The following CCHCR1 variants were observed in gnomAD, a reference collection of about 807,000 sequenced individuals.
CCHCR1 encodes the protein HCR (a-helix coiled-coil rod homologue).
Under a neutral mutation model 114.6 loss-of-function variants are expected in CCHCR1, and 91 were observed. The observed-to-expected ratio is 0.79, with a 90% CI of 0.67 to 0.94. The LOEUF is 0.94. Ranked by LOEUF, CCHCR1 falls within the 40% of genes least tolerant of loss-of-function variation. The pLI, the probability that CCHCR1 is intolerant of heterozygous loss-of-function variation, is 0.00. For synonymous variants in CCHCR1, 379 were observed against 428.5 expected (o/e 0.88, Z 1.43); for missense variants, 899 against 1,079.9 (o/e 0.83, Z 2.35).
At position 31,143,417 on chromosome 6, in the gene CCHCR1, C is replaced by T; in HGVS notation, c.2168-4G>A. On this transcript the variant is annotated splice_polypyrimidine_tract_variant and splice_region_variant and intron_variant, in intron 15 of 17. Transcript: ENST00000396268. The surrounding 1 kb of genome is among the most constrained non-coding windows in gnomAD (Gnocchi z 5.3). ...TGAATCTGGCGTAAGGAGACCACTA[C>T]AGAGAGGCCAAGGCACAGAGGAGGC... 1.2e-6 allele frequency: 2 copies of T among 1,612,690 alleles called. No individual in the cohort carries two copies. Among genetic ancestry groups the T allele is most frequent in the Non-Finnish European group, 1.7e-6 (2 of 1,179,966 alleles).
chr6:31,156,887 G>C lies in CCHCR1; in HGVS notation c.341C>G (p.Pro114Arg). The C allele has an allele frequency of 6.2e-7, 1 of 1,612,958 alleles. No homozygotes were observed. Among genetic ancestry groups the C allele is most frequent in the Non-Finnish European group, 8.5e-7 (1 of 1,180,018 alleles). ...HFQARPLSTL[P>R]RMAPTWLSDI... The stretch of plus-strand genomic sequence containing the variant: ...TGAGAGCCAGGTGGGAGCCATTCTT[G>C]GCAGAGTTGAAAGGGGCCGAGCTTG... Residue 114 changes from proline (P) to arginine (R), a missense_variant, in exon 3 of 18, where the codon CCA becomes CGA. Transcript: ENST00000396268.
rs1162531001 is a variant in CCHCR1 at position 31,157,440 on chromosome 6, G to A, written c.161C>T (p.Pro54Leu). The A allele has an allele frequency of 1.9e-6, 3 of 1,613,054 alleles. No individual in the cohort carries two copies. The Admixed American group carries it at 5.0e-5, about 27-fold the overall frequency. ...GCTCCTGGCCAGAGGTGAGAAAGGA[G>A]GTACACAGTGCAGGGGTCTTGAGCG... ...RWRSRPLHCV[P>L]PFSPLARSSR... Residue 54 changes from proline to leucine, a missense_variant, in exon 1 of 18, where the codon CCT becomes CTT. Coordinates refer to ENST00000396268, the MANE Select transcript of CCHCR1 (RefSeq NM_001105564.2).
intron 10 of CCHCR1, among the ~76,000 whole-genome samples, chr6:31,146,164 G>A (rs995772202): frequency 2.6e-5 from 4 of 151,972 alleles, no homozygotes; most frequent in African/African-American, 9.7e-5. Context: ...TGGCCAACAT[G>A]GTGAAACTCT....
chr6:31,151,394 C>T lies in CCHCR1; in HGVS notation c.802-272G>A, dbSNP rs776126599. ...CTTTTGCCTGGGCAACAGCGACCAT[C>T]TCCTAACTAGTCTTTACAAACCCTC... On this transcript the variant is annotated intron_variant, in intron 4 of 17. Coordinates refer to ENST00000396268, the MANE Select transcript of CCHCR1 (RefSeq NM_001105564.2). This position sits in a 1 kb window ranked among gnomAD's most constrained non-coding sequence, Gnocchi z 4.1. 1.3e-5 allele frequency among the ~76,000 whole-genome samples: 2 copies of T among 152,240 alleles called. No individual in the cohort carries two copies. Among genetic ancestry groups the T allele is most frequent in the Non-Finnish European group, 2.9e-5 (2 of 68,040 alleles).
At chr6:31,152,297 A>C (rs1775354552) in intron 4 of CCHCR1, among the ~76,000 whole-genome samples, 1 of 145,714 alleles carries the variant, frequency 6.9e-6, no homozygotes, top group East Asian at 2.1e-4. Context: ...AAAAAAAAAA[A>C]CAACCTTTCA....
chr6:31,154,427 GTTC>G lies in CCHCR1; in HGVS notation c.801+66_801+68del. 7.7e-7 allele frequency: 1 copy of G among 1,296,640 alleles called. No homozygotes were observed. The highest frequency in any genetic ancestry group is 2.3e-5 in the East Asian group (1 of 43,058). 80.3% of individuals were successfully genotyped at this position (1,296,640 alleles called of 1,614,324 possible). On this transcript the variant is annotated intron_variant, in intron 4 of 17. Transcript: ENST00000396268. This position sits in a 1 kb window ranked among gnomAD's most constrained non-coding sequence, Gnocchi z 4.1. ...ATGGAGGGTCTTTTCTGCAATACCT[GTTC>G]TTTGCTTGGAAGCTACTGCCCAGCT...
Position 31,148,748 on chromosome 6 carries a change from T to A in CCHCR1, c.1363-20A>T, listed in dbSNP as rs966091530. ...GGCCACCTGGGGGAGGAGAGAGAGC[T>A]AGGCAGGGCCCTCTAGAGCTAAAAG... On this transcript the variant is annotated intron_variant, in intron 8 of 17. Coordinates refer to ENST00000396268, the MANE Select transcript of CCHCR1 (RefSeq NM_001105564.2). The A allele has an allele frequency of 1.2e-5, 18 of 1,493,892 alleles. No homozygotes were observed. The Admixed American group carries it at 1.9e-4, about 16-fold the overall frequency. The allele number at this position is 1,493,892 out of a possible 1,614,324, so 92.5% of individuals were successfully genotyped here.
chr6:31,148,299 A>G (rs1180120998), intron 10 of CCHCR1, 106 bp downstream of exon 10: 7 of 705,118 alleles, frequency 9.9e-6, no homozygotes, highest in Admixed American at 4.6e-5. Context: ...TGTAGCCTCC[A>G]GTGGCCACTT....
chr6:31,149,954 G>A, intron 8 of CCHCR1, 112 bp downstream of exon 8: 2 of 1,153,980 alleles, frequency 1.7e-6, no homozygotes, highest in South Asian at 1.4e-5. Context: ...GTTCAGGGCT[G>A]TGTGCCCAGC....
chr6:31,148,632 G>A lies in CCHCR1; in HGVS notation c.1459C>T (p.Arg487Cys), dbSNP rs138683119. 1.6e-3 allele frequency: 2,582 copies of A among 1,611,684 alleles called. 5 individuals are homozygous for A. The highest frequency in any genetic ancestry group is 3.1e-3 in the African/African-American group (235 of 75,010). ...CTGACACCAACCTTGGCACCCATAC[G>A]CTCCACCTCCACCTCTGCGGCTTTG... ...QDKAAEVEVE[R>C]MGAKGLQLEL... Residue 487 changes from arginine (R) to cysteine (C), a missense_variant, in exon 9 of 18, where the codon CGT (arginine) becomes TGT (cysteine). Physicochemically the swap from Arg to Cys is radical, Grantham distance 180 (BLOSUM62 -3). Coordinates refer to ENST00000396268, the MANE Select transcript of CCHCR1 (RefSeq NM_001105564.2).
chr6:31,142,793 G>A (rs947617304), intron 17 of CCHCR1, 77 bp from the exon 18 acceptor site: 1 of 1,562,034 alleles, frequency 6.4e-7, no homozygotes, highest in African/African-American at 1.4e-5. Context: ...GCTGGCACAG[G>A]AAATGAGGAA....
rs768296166 is a variant in CCHCR1 at position 31,145,816 on chromosome 6, G to C, written c.1581-8C>G. 6.3e-7 allele frequency: 1 copy of C among 1,579,230 alleles called. No homozygotes were observed. Among genetic ancestry groups the C allele is most frequent in the African/African-American group, 1.3e-5 (1 of 74,460 alleles). On this transcript the variant is annotated splice_region_variant and splice_polypyrimidine_tract_variant and intron_variant, in intron 10 of 17. Transcript: ENST00000396268. ...TCGAGCCAGATCTGAGAGCTGGAGA[G>C]GGCACAAGTCACTGATCCTCCATGC...
Position 31,156,904 on chromosome 6 carries a change from C to A in CCHCR1, c.324G>T (p.Arg108=). The A allele has an allele frequency of 6.2e-7, 1 of 1,612,830 alleles. No homozygotes were observed. Among genetic ancestry groups the A allele is most frequent in the Non-Finnish European group, 8.5e-7 (1 of 1,180,006 alleles). Residue 108 remains arginine, a synonymous_variant, in exon 3 of 18, where the codon CGG becomes CGT. Coordinates refer to ENST00000396268, the MANE Select transcript of CCHCR1 (RefSeq NM_001105564.2). ...GLIPPSHFQA[R]PLSTLPRMAP... is the part of the protein sequence containing the mutation. ...CCATTCTTGGCAGAGTTGAAAGGGG[C>A]CGAGCTTGAAAGTGGGAGGGGGGAA...
rs1776233070 is a variant in CCHCR1 at position 31,157,536 on chromosome 6, A to G, written c.65T>C (p.Val22Ala). Residue 22 changes from valine to alanine, a missense_variant, in exon 1 of 18, where the codon GTC becomes GCC. Val to Ala is a moderately conservative substitution (Grantham distance 64). Coordinates refer to ENST00000396268, the MANE Select transcript of CCHCR1 (RefSeq NM_001105564.2). ...CCCATCCAGACACCAGCAGGCCATGACTCTTGGGTCCTTCCCTGTTAAAGT... is the reference window on the plus strand; with the variant it reads ...CCCATCCAGACACCAGCAGGCCATGGCTCTTGGGTCCTTCCCTGTTAAAGT... ...ASTLTGKDPR[V>A]MACWCLDGLP... 2 of 1,612,784 alleles carry G rather than the reference A, an allele frequency of 1.2e-6. No individual in the cohort carries two copies. Among genetic ancestry groups the G allele is most frequent in the Non-Finnish European group, 1.7e-6 (2 of 1,180,000 alleles).
In CCHCR1 at chr6:31,151,179, G is replaced by A. The variant is rs142126856; in HGVS notation, c.802-57C>T. Reference sequence around the variant, plus strand: ...TCGACCCCACATGGAGGCCTTCCTTGTTCCCTTCACTCCCACTTTCTGTGA... The same window carrying A: ...TCGACCCCACATGGAGGCCTTCCTTATTCCCTTCACTCCCACTTTCTGTGA... On this transcript the variant is annotated intron_variant, in intron 4 of 17. Coordinates refer to ENST00000396268, the MANE Select transcript of CCHCR1 (RefSeq NM_001105564.2). The surrounding 1 kb of genome is among the most constrained non-coding windows in gnomAD (Gnocchi z 4.1). 819 of 1,545,938 alleles carry A rather than the reference G, an allele frequency of 5.3e-4. 7 individuals carry two copies. In the East Asian group the frequency reaches 0.016, roughly 31 times the overall value.
intron 10 of CCHCR1, among the ~76,000 whole-genome samples, chr6:31,147,139 G>A (rs539006745): frequency 6.6e-6 from 1 of 152,304 alleles, no homozygotes; most frequent in African/African-American, 2.4e-5. Flanking sequence ...GGTGGCTCAA[G>A]CCTGTAATCC....
chr6:31,150,582 G>A lies in CCHCR1; in HGVS notation c.1102-17C>T, dbSNP rs1239732032. On this transcript the variant is annotated splice_polypyrimidine_tract_variant and intron_variant, in intron 6 of 17. Coordinates refer to ENST00000396268, the MANE Select transcript of CCHCR1 (RefSeq NM_001105564.2). The surrounding 1 kb of genome is among the most constrained non-coding windows in gnomAD (Gnocchi z 5.3). ...CTGCAAGTGCTGCGGGCAGAGGAAA[G>A]CAGCCCCTCTGTAGGGCCTCCATGC... 6.2e-7 allele frequency: 1 copy of A among 1,606,404 alleles called. No individual in the cohort carries two copies. The highest frequency in any genetic ancestry group is 1.1e-5 in the South Asian group (1 of 90,690).
In CCHCR1 at chr6:31,143,304, G is replaced by A; in HGVS notation, c.2277C>T (p.Ala759=). 1 of 1,612,768 alleles carries A rather than the reference G, an allele frequency of 6.2e-7. No individual in the cohort carries two copies. Among genetic ancestry groups the A allele is most frequent in the Non-Finnish European group, 8.5e-7 (1 of 1,180,000 alleles). The change falls in exon 16 of 18, where the codon GCC becomes GCT. Residue 759 remains alanine (A), a synonymous_variant. Transcript: ENST00000396268. This position sits in a 1 kb window ranked among gnomAD's most constrained non-coding sequence, Gnocchi z 5.3. Reference sequence around the variant, plus strand: ...CCCTCTCTAGCTCCTGCAAGCGCCGGGCCAGTCGCTGCCCCTCCTCCTTCC... The same window carrying A: ...CCCTCTCTAGCTCCTGCAAGCGCCGAGCCAGTCGCTGCCCCTCCTCCTTCC... The part of the protein sequence containing the change: ...EARKEEGQRL[A]RRLQELERDK...
chr6:31,145,684 T>C lies in CCHCR1; in HGVS notation c.1693+12A>G, dbSNP rs1774230367. ...GTGGGGGCAGGACGTGGCTCGCAGT[T>C]GTCCTACGCACCCCGAATGGTGTGG... On this transcript the variant is annotated intron_variant, in intron 11 of 17. Coordinates refer to ENST00000396268, the MANE Select transcript of CCHCR1 (RefSeq NM_001105564.2). 1.3e-6 allele frequency: 2 copies of C among 1,598,478 alleles called. No individual in the cohort carries two copies. Among genetic ancestry groups the C allele is most frequent in the African/African-American group, 2.7e-5 (2 of 74,574 alleles).
Sources: gnomAD v4.1 joint callset for allele counts (sites outside exome capture counted in the v4.1 genomes callset) on GRCh38, gnomAD v4.1.1 for gene constraint, Gnocchi (gnomAD v3.1) non-coding constraint, MANE v1.5 for transcripts, NCBI Gene and HGNC (gene_info 2026-07-23, HGNC 2026-07-21) for gene names.